The following DOCK3 variants were observed in gnomAD, a reference collection of about 807,000 sequenced individuals.
DOCK3 encodes the protein dedicator of cytokinesis 3.
DOCK3 carries 60 observed loss-of-function variants against 265.6 expected under a neutral mutation model. The ratio of observed to expected loss-of-function variants is 0.23; its 90% CI spans 0.18 to 0.28. The LOEUF is 0.28. Among genes scored for constraint, DOCK3 ranks in the 10% least tolerant of loss-of-function variants. The pLI is 1.00. For missense variants in DOCK3, 1,981 were observed against 2,594.3 expected, an observed-to-expected ratio of 0.76 and a Z score of 5.14; for synonymous variants, 881 against 938.0, an observed-to-expected ratio of 0.94 and a Z score of 1.11.
At chr3:51,160,826 C>T in intron 12 of DOCK3, 124 bp downstream of exon 12, 1 of 1,244,592 alleles carries the variant, frequency 8.0e-7, no homozygotes, top group Non-Finnish European at 1.1e-6. Flanking sequence ...CCTGTATTCC[C>T]AACACTTTGG....
In DOCK3 at chr3:50,677,427, A is replaced by G. The variant is rs76062209; in HGVS notation, c.37+2127A>G. 4.7e-3 allele frequency among the ~76,000 whole-genome samples: 713 copies of G among 152,374 alleles called. 2 individuals are homozygous for G. Among genetic ancestry groups the G allele is most frequent in the African/African-American group, 0.016 (664 of 41,590 alleles). ...ATTATACTTATGAGAAAAATAGTCA[A>G]TTAAAACGGCATTTTTGCTGCATCA... On this transcript the variant is annotated intron_variant, in intron 1 of 52. Transcript: ENST00000266037.
At chr3:51,323,174 C>T (rs1313736187) in intron 32 of DOCK3, among the ~76,000 whole-genome samples, 1 of 152,058 alleles carries the variant, frequency 6.6e-6, no homozygotes, top group Admixed American at 6.6e-5. Context: ...AATATATATG[C>T]ACCCAATACA....
At chr3:51,287,584 CAA>C (rs1409966931) in intron 27 of DOCK3, among the ~76,000 whole-genome samples, 3 of 151,928 alleles carry the variant, frequency 2.0e-5, no homozygotes, top group African/African-American at 7.3e-5. Flanking sequence ...AATTAAAAGT[CAA>C]GTCTCAAAAT....
Position 51,356,893 on chromosome 3 carries a change from C to G in DOCK3, c.4504-69C>G, listed in dbSNP as rs1363058495. The G allele has an allele frequency of 2.0e-6, 3 of 1,499,552 alleles. No homozygotes were observed. In the African/African-American group the frequency reaches 4.2e-5, roughly 21 times the overall value. The allele number at this position is 1,499,552 out of a possible 1,614,324, so 92.9% of individuals were successfully genotyped here. A position where few individuals can be genotyped will look rare whatever the true frequency, so the allele number is the denominator to read the frequency against. On this transcript the variant is annotated intron_variant, in intron 43 of 52. Transcript: ENST00000266037. ...AATCAATACCACAGATCTTAGACCC[C>G]AGCTCTCAGGAAGATGATGAGGGGT...
intron 50 of DOCK3, 46 bp from the exon 51 acceptor site, chr3:51,375,702 T>A (rs563708942): frequency 6.2e-7 from 1 of 1,608,240 alleles, no homozygotes; most frequent in African/African-American, 1.3e-5. Flanking sequence ...TCCCAAGATA[T>A]AATTGGTTGT....
chr3:51,270,812 C>T lies in DOCK3; in HGVS notation c.2356-3C>T. The T allele has an allele frequency of 1.2e-6, 2 of 1,612,062 alleles. No individual in the cohort carries two copies. Among genetic ancestry groups the T allele is most frequent in the Admixed American group, 1.7e-5 (1 of 59,880 alleles). ...CTAACCACAGCTTCATTTGCTTCTGCAGGCTGCACTCCTCAATTCTTTCCC... is the reference window on the plus strand; with the variant it reads ...CTAACCACAGCTTCATTTGCTTCTGTAGGCTGCACTCCTCAATTCTTTCCC... On this transcript the variant is annotated splice_polypyrimidine_tract_variant and splice_region_variant and intron_variant, in intron 23 of 52. Transcript: ENST00000266037.
intron 23 of DOCK3, among the ~76,000 whole-genome samples, chr3:51,266,901 TAGG>T (rs1461203351): frequency 1.3e-5 from 2 of 152,092 alleles, no homozygotes; most frequent in Non-Finnish European, 2.9e-5. Flanking sequence ...AGCTATAGAA[TAGG>T]AGAAAATTTT....
chr3:51,266,113 A>C (rs764608654), intron 23 of DOCK3, among the ~76,000 whole-genome samples: 2 of 152,178 alleles, frequency 1.3e-5, no homozygotes, highest in Non-Finnish European at 2.9e-5. Context: ...TAGGAATACA[A>C]CTTAGAAGGG....
At chr3:50,780,142 A>T (rs1222571499) in intron 2 of DOCK3, among the ~76,000 whole-genome samples, 2 of 152,326 alleles carry the variant, frequency 1.3e-5, no homozygotes, top group East Asian at 3.9e-4. Flanking sequence ...AGAAGTATAA[A>T]TTAGCACCCT....
intron 2 of DOCK3, among the ~76,000 whole-genome samples, chr3:50,802,369 T>G (rs1386430553): frequency 6.6e-6 from 1 of 152,176 alleles, no homozygotes; most frequent in Non-Finnish European, 1.5e-5. Context: ...AGTTTTATTG[T>G]TCCGTATGTT....
intron 5 of DOCK3, among the ~76,000 whole-genome samples, chr3:50,938,596 A>G (rs2051524595): frequency 6.6e-6 from 1 of 152,070 alleles, no homozygotes; most frequent in African/African-American, 2.4e-5. Context: ...CAAATTAAAA[A>G]TCACTAACAA....
intron 1 of DOCK3, among the ~76,000 whole-genome samples, chr3:50,713,760 A>G (rs1428706944): frequency 6.6e-6 from 1 of 151,910 alleles, no homozygotes; most frequent in Admixed American, 6.6e-5. Flanking sequence ...ACATGTCTAG[A>G]TGGAGATCAT....
intron 1 of DOCK3, among the ~76,000 whole-genome samples, chr3:50,739,560 A>G (rs2038880149): frequency 6.6e-6 from 1 of 152,164 alleles, no homozygotes; most frequent in South Asian, 2.1e-4. Flanking sequence ...TTCGTGGTGC[A>G]AGGAAGGGTT....
chr3:51,262,165 C>G (rs1327432751), intron 23 of DOCK3, among the ~76,000 whole-genome samples: 1 of 152,176 alleles, frequency 6.6e-6, no homozygotes, highest in Non-Finnish European at 1.5e-5. Context: ...TACGGGAGAG[C>G]TCTGGCTGGC....
At chr3:50,818,616 G>A (rs1353545822) in intron 2 of DOCK3, among the ~76,000 whole-genome samples, 1 of 152,224 alleles carries the variant, frequency 6.6e-6, no homozygotes, top group Non-Finnish European at 1.5e-5. Context: ...GAAGTCAGGT[G>A]CAGGGTATTA....
In DOCK3 at chr3:51,381,306, C is replaced by T; in HGVS notation, c.5840C>T (p.Ser1947Phe). ...CTCTCTGAGTCTGCCGTCCTGGACT[C>T]CATCAAGGCCCAGCCATGCCGAAGC... is the stretch of plus-strand genomic sequence containing the variant. ...YSLSESAVLDSIKAQPCRSHS... is the reference protein window; with the variant it reads ...YSLSESAVLDFIKAQPCRSHS... The change falls in exon 53 of 53, where the codon TCC becomes TTC. Residue 1947 changes from serine (S) to phenylalanine (F), a missense_variant. Coordinates refer to ENST00000266037, the MANE Select transcript of DOCK3 (RefSeq NM_004947.5). This position sits in a 1 kb window ranked among gnomAD's most constrained non-coding sequence, Gnocchi z 5.6. The T allele has an allele frequency of 6.2e-7, 1 of 1,613,660 alleles. No individual in the cohort carries two copies. The highest frequency in any genetic ancestry group is 8.5e-7 in the Non-Finnish European group (1 of 1,179,884).
intron 27 of DOCK3, among the ~76,000 whole-genome samples, chr3:51,283,327 C>T (rs1451193449): frequency 1.3e-5 from 2 of 152,160 alleles, no homozygotes; most frequent in South Asian, 4.1e-4. Context: ...AGGGTTTGGA[C>T]CTCACATATA....
intron 5 of DOCK3, among the ~76,000 whole-genome samples, chr3:50,967,696 A>C (rs545822359): frequency 1.4e-4 from 22 of 152,320 alleles, no homozygotes; most frequent in African/African-American, 5.1e-4. Context: ...GAGAAGAATG[A>C]GTGCCCTGTG....
chr3:50,889,850 C>T (rs890379104), intron 3 of DOCK3, among the ~76,000 whole-genome samples, 176 bp from the exon 4 acceptor site: 5 of 152,084 alleles, frequency 3.3e-5, no homozygotes, highest in Admixed American at 2.0e-4. Context: ...TGCATATGGC[C>T]GTGAAATTCC....
Sources: gnomAD v4.1 joint callset for allele counts (sites outside exome capture counted in the v4.1 genomes callset) on GRCh38, gnomAD v4.1.1 for gene constraint, Gnocchi (gnomAD v3.1) non-coding constraint, MANE v1.5 for transcripts, NCBI Gene and HGNC (gene_info 2026-07-23, HGNC 2026-07-21) for gene names.